Variants in HACL2 observed in about 807,000 individuals in gnomAD.
The protein encoded by HACL2 is 2-hydroxyacyl-CoA lyase 2.
chr19:15,116,655 T>C, the HACL2 span: 1 of 677,804 alleles, frequency 1.5e-6, no homozygotes, highest in African/African-American at 1.8e-5. Context: ...GGGGTGCTCC[T>C]AGAAAAAAAA....
the HACL2 span, chr19:15,120,201 G>T: frequency 4.2e-4 from 255 of 613,302 alleles, 5 homozygotes; most frequent in South Asian, 4.5e-3. Context: ...TGGGGACAGG[G>T]TGGATGAGTG....
chr19:15,122,920 C>T, the HACL2 span: 47 of 1,608,046 alleles, frequency 2.9e-5, no homozygotes, highest in South Asian at 7.7e-5. This position sits in a 1 kb window ranked among gnomAD's most constrained non-coding sequence, Gnocchi z 4.0. Flanking sequence ...CGGCAGCCAT[C>T]GCGGCCCTCA....
the HACL2 span, chr19:15,123,301 G>C: frequency 1.9e-6 from 3 of 1,605,766 alleles, no homozygotes; most frequent in Non-Finnish European, 8.5e-7. The surrounding 1 kb of genome is among the most constrained non-coding windows in gnomAD (Gnocchi z 5.1). Flanking sequence ...TTCCACCTCT[G>C]AAAAACCCCT....
At chr19:15,124,708 G>T in the HACL2 span, 4 of 581,538 alleles carry the variant, frequency 6.9e-6, no homozygotes, top group Admixed American at 1.1e-4. Flanking sequence ...CCCCGGCAGC[G>T]GCAGCTTCCG....
chr19:15,117,801 C>A, the HACL2 span: 1 of 1,567,818 alleles, frequency 6.4e-7, no homozygotes, highest in South Asian at 1.2e-5. Flanking sequence ...CTGTACCAGG[C>A]TCAAGCCAGC....
At chr19:15,119,224 G>A in the HACL2 span, 1 of 1,608,528 alleles carries the variant, frequency 6.2e-7, no homozygotes, top group Non-Finnish European at 8.5e-7. Context: ...CCCGGATGTG[G>A]AGGGGGTGGT....
the HACL2 span, chr19:15,115,292 A>G: frequency 5.6e-6 from 9 of 1,614,044 alleles, no homozygotes; most frequent in African/African-American, 1.3e-5. Context: ...CGTCCTCCCA[A>G]TGAGGATGTT....
chr19:15,125,531 A>C, the HACL2 span: 48,119 of 168,020 alleles, frequency 0.29, 7,465 homozygotes, highest in East Asian at 0.37. Flanking sequence ...CACGCAACCC[A>C]CGCCTCTCCC....
At chr19:15,115,553 G>A in the HACL2 span, 1 of 1,609,470 alleles carries the variant, frequency 6.2e-7, no homozygotes, top group Non-Finnish European at 8.5e-7. Flanking sequence ...CAACCTCGCT[G>A]AGGCCCCCTC....
At chr19:15,115,381 T>C in the HACL2 span, 123 of 1,613,884 alleles carry the variant, frequency 7.6e-5, no homozygotes, top group Non-Finnish European at 9.9e-5. Context: ...CGTTCTCCCG[T>C]GAGAGCAGCA....
the HACL2 span, chr19:15,115,386 G>A: frequency 6.2e-7 from 1 of 1,614,014 alleles, no homozygotes; most frequent in Non-Finnish European, 8.5e-7. Context: ...TCCCGTGAGA[G>A]CAGCAAGCCC....
chr19:15,123,613 G>T, the HACL2 span: 14 of 1,591,198 alleles, frequency 8.8e-6, no homozygotes, highest in Non-Finnish European at 1.2e-5. The surrounding 1 kb of genome is among the most constrained non-coding windows in gnomAD (Gnocchi z 5.1). Flanking sequence ...AAAGTTAAAG[G>T]CCAGGGCAGA....
the HACL2 span, chr19:15,115,989 C>T: frequency 6.2e-7 from 1 of 1,614,146 alleles, no homozygotes; most frequent in Non-Finnish European, 8.5e-7. Context: ...TCTCCCAACT[C>T]CAGTGCCTCA....
the HACL2 span, chr19:15,119,116 G>A: frequency 2.0e-6 from 3 of 1,517,010 alleles, no homozygotes; most frequent in Non-Finnish European, 1.8e-6. Context: ...TGGGTAACAG[G>A]GTGAGGGGGT....
the HACL2 span, among the ~76,000 whole-genome samples, chr19:15,119,696 G>A: frequency 5.2e-3 from 798 of 152,214 alleles, 7 homozygotes; most frequent in African/African-American, 0.019. Context: ...GATTACAGGC[G>A]CGTGCCACCA....
At chr19:15,115,895 AG>A in the HACL2 span, 8 of 1,614,048 alleles carry the variant, frequency 5.0e-6, no homozygotes, top group Non-Finnish European at 6.8e-6. Context: ...TGTAGCCAAA[AG>A]CTCCGTCCCC....
chr19:15,117,680 AAAAAAT>A, the HACL2 span: 1 of 532,276 alleles, frequency 1.9e-6, no homozygotes, highest in Non-Finnish European at 3.3e-6. Context: ...CCTCGTCTCT[AAAAAAT>A]AAAAATAAAA....
chr19:15,123,837 GA>G, the HACL2 span: 1 of 543,728 alleles, frequency 1.8e-6, no homozygotes, highest in South Asian at 2.3e-5. This position sits in a 1 kb window ranked among gnomAD's most constrained non-coding sequence, Gnocchi z 5.1. Flanking sequence ...AAGTTCAATA[GA>G]ACCCACGCTC....
chr19:15,123,950 G>A, the HACL2 span: 2 of 230,570 alleles, frequency 8.7e-6, no homozygotes, highest in Non-Finnish European at 1.7e-5. This position sits in a 1 kb window ranked among gnomAD's most constrained non-coding sequence, Gnocchi z 5.1. Flanking sequence ...GGGGCACAAC[G>A]CACGCAGAGC....
Sources: gnomAD v4.1 joint callset for allele counts (sites outside exome capture counted in the v4.1 genomes callset) on GRCh38, gnomAD v4.1.1 for gene constraint, Gnocchi (gnomAD v3.1) non-coding constraint, MANE v1.5 for transcripts, NCBI Gene and HGNC (gene_info 2026-07-23, HGNC 2026-07-21) for gene names.